SMCO2: variants seen among roughly 807,000 people sequenced by gnomAD.
The protein encoded by SMCO2 is single-pass membrane protein with coiled-coil domains 2.
Under a neutral mutation model 29.5 loss-of-function variants are expected in SMCO2, and 25 were observed. The observed-to-expected ratio is 0.85, with a 90% CI of 0.62 to 1.18. The LOEUF is 1.18. Among genes scored for constraint, SMCO2 ranks in the 50% most tolerant of loss-of-function variants. The probability of loss-of-function intolerance (pLI) is 0.00; values close to 1 mark genes in which losing one functional copy is unlikely to be tolerated. For synonymous variants in SMCO2, 117 were observed against 123.3 expected (o/e 0.95, Z 0.34); for missense variants, 348 against 344.5 (o/e 1.01, Z -0.08).
At chr12:27,492,940 C>CA (rs1942944042) in intron 5 of SMCO2, among the ~76,000 whole-genome samples, 4 of 152,160 alleles carry the variant, frequency 2.6e-5, no homozygotes, top group Admixed American at 2.6e-4. Context: ...CCTAAATGCC[C>CA]ATCAATGACA....
the SMCO2 span, chr12:27,424,953 G>A: frequency 6.6e-6 from 1 of 152,298 alleles, no homozygotes; most frequent in African/African-American, 2.4e-5. Flanking sequence ...TGCTTTCCAA[G>A]GGAGGTCTAG....
upstream of SMCO2, among the ~76,000 whole-genome samples, chr12:27,465,086 A>G (rs1307150954): frequency 1.3e-5 from 2 of 151,604 alleles, no homozygotes; most frequent in Non-Finnish European, 2.9e-5. Context: ...GAGAGAGAGA[A>G]AAGAATTTGG....
At chr12:27,453,265 C>G in the SMCO2 span, among the ~76,000 whole-genome samples, 1 of 152,150 alleles carries the variant, frequency 6.6e-6, no homozygotes, top group Admixed American at 6.5e-5. Context: ...GGCTTGGGTA[C>G]ACTCCCTGTT....
At chr12:27,463,590 T>C (rs1305705349), upstream of SMCO2, among the ~76,000 whole-genome samples, 3 of 152,112 alleles carry the variant, frequency 2.0e-5, no homozygotes, top group Non-Finnish European at 4.4e-5. Flanking sequence ...TGAAAAGGGC[T>C]TACCAAAGCA....
chr12:27,426,002 T>C, the SMCO2 span, among the ~76,000 whole-genome samples: 1 of 152,168 alleles, frequency 6.6e-6, no homozygotes, highest in Non-Finnish European at 1.5e-5. Flanking sequence ...GTCAACAGCC[T>C]GGAATATACA....
intron 4 of SMCO2, among the ~76,000 whole-genome samples, chr12:27,484,583 T>A (rs990777973): frequency 6.6e-6 from 1 of 152,114 alleles, no homozygotes; most frequent in Non-Finnish European, 1.5e-5. Flanking sequence ...AAGTTGGCTG[T>A]CATTCTCTTC....
chr12:27,476,603 A>G (rs954059613), intron 4 of SMCO2, among the ~76,000 whole-genome samples: 7 of 151,994 alleles, frequency 4.6e-5, no homozygotes, highest in Admixed American at 4.6e-4. Flanking sequence ...TCCTTTTGTC[A>G]TTATATAATA....
the SMCO2 span, among the ~76,000 whole-genome samples, chr12:27,458,802 G>A: frequency 7.9e-5 from 12 of 151,188 alleles, no homozygotes; most frequent in East Asian, 3.9e-4. Context: ...CAGGAGAATC[G>A]CTTGAACCCG....
chr12:27,494,375 A>C lies in SMCO2; in HGVS notation c.507+19A>C. 1 of 1,490,148 alleles carries C rather than the reference A, an allele frequency of 6.7e-7. No individual in the cohort carries two copies. The highest frequency in any genetic ancestry group is 9.0e-7 in the Non-Finnish European group (1 of 1,111,900). 92.3% of individuals were successfully genotyped at this position (1,490,148 alleles called of 1,614,324 possible). Reference sequence around the variant, plus strand: ...GCTGGAGGTAAGATTTCAGTTACACAATTCAAACAATGATAAAATCAGATA... The same window carrying C: ...GCTGGAGGTAAGATTTCAGTTACACCATTCAAACAATGATAAAATCAGATA... On this transcript the variant is annotated intron_variant, in intron 6 of 7. Coordinates refer to ENST00000298876, the Ensembl canonical transcript of SMCO2.
chr12:27,449,239 G>A, the SMCO2 span, among the ~76,000 whole-genome samples: 2 of 152,188 alleles, frequency 1.3e-5, no homozygotes, highest in Admixed American at 6.5e-5. Context: ...TCATCAAGGT[G>A]TTTCTTTGAA....
In SMCO2 at chr12:27,495,675, T is replaced by G. The variant is rs771153955; in HGVS notation, c.508-5T>G. The G allele has an allele frequency of 2.1e-6, 3 of 1,460,818 alleles. No homozygotes were observed. The East Asian group carries it at 7.5e-5, about 37-fold the overall frequency. The allele number at this position is 1,460,818 out of a possible 1,614,324, so 90.5% of individuals were successfully genotyped here. On this transcript the variant is annotated splice_polypyrimidine_tract_variant and splice_region_variant and intron_variant, in intron 6 of 7. Coordinates refer to ENST00000298876, the Ensembl canonical transcript of SMCO2. ...TTAAGGTACTTGATTACTCTTTTTT[T>G]TCAGGACCTTTGCAAGAATGTGGAA...
rs929837677 is a variant in SMCO2, at chr12:27,496,160, T to C, written c.683+305T>C. 4.0e-5 allele frequency among the ~76,000 whole-genome samples: 6 copies of C among 150,254 alleles called. 1 individual carries two copies. Among genetic ancestry groups the C allele is most frequent in the Non-Finnish European group, 7.4e-5 (5 of 67,836 alleles). On this transcript the variant is annotated intron_variant, in intron 7 of 7. Transcript: ENST00000298876. ...ATATATCTTCATGATCAAAGATATATGACCAAAGACCTCTTGTGGGTGGCT... is the reference window on the plus strand; with the variant it reads ...ATATATCTTCATGATCAAAGATATACGACCAAAGACCTCTTGTGGGTGGCT...
At chr12:27,460,797 T>A in the SMCO2 span, among the ~76,000 whole-genome samples, 1 of 152,180 alleles carries the variant, frequency 6.6e-6, no homozygotes, top group African/African-American at 2.4e-5. Context: ...GGAAAGGAAA[T>A]GAGACTCACA....
the SMCO2 span, among the ~76,000 whole-genome samples, chr12:27,439,724 C>G: frequency 1.3e-5 from 2 of 151,932 alleles, no homozygotes; most frequent in Non-Finnish European, 2.9e-5. Flanking sequence ...TCTAGAGGCT[C>G]TCAACAGCAA....
At chr12:27,469,247 A>G (rs1949522055) in intron 1 of SMCO2, among the ~76,000 whole-genome samples, 1 of 152,204 alleles carries the variant, frequency 6.6e-6, no homozygotes, top group African/African-American at 2.4e-5. Context: ...GGCAGGCAAT[A>G]GTGACCTTCC....
chr12:27,444,145 C>T, the SMCO2 span, among the ~76,000 whole-genome samples: 1 of 152,082 alleles, frequency 6.6e-6, no homozygotes, highest in African/African-American at 2.4e-5. Context: ...TAAAAACAGA[C>T]ACACATAGAC....
At chr12:27,470,068 G>A (rs1949528373) in intron 1 of SMCO2, among the ~76,000 whole-genome samples, 1 of 152,148 alleles carries the variant, frequency 6.6e-6, no homozygotes, top group African/African-American at 2.4e-5. Flanking sequence ...AATCATTATT[G>A]CATTATTTAT....
chr12:27,476,952 C>T (rs541741673), intron 4 of SMCO2, among the ~76,000 whole-genome samples: 1 of 151,712 alleles, frequency 6.6e-6, no homozygotes, highest in Non-Finnish European at 1.5e-5. Context: ...TTTATAATTG[C>T]AGTTTGATGG....
chr12:27,492,258 T>C lies in SMCO2; in HGVS notation c.451-2042T>C, dbSNP rs113861315. Among the ~76,000 whole-genome samples, 598 of 152,374 alleles carry C rather than the reference T, an allele frequency of 3.9e-3. 3 individuals are homozygous for C. Among genetic ancestry groups the C allele is most frequent in the African/African-American group, 0.014 (578 of 41,592 alleles). ...TAGTAGATGTCGTTTTACTTTTTTT[T>C]CACTCCTATATAATGCAGGGCTTGA... On this transcript the variant is annotated intron_variant, in intron 5 of 7. Coordinates refer to ENST00000298876, the Ensembl canonical transcript of SMCO2.
Sources: gnomAD v4.1 joint callset for allele counts (sites outside exome capture counted in the v4.1 genomes callset) on GRCh38, gnomAD v4.1.1 for gene constraint, MANE v1.5 for transcripts, NCBI Gene and HGNC (gene_info 2026-07-23, HGNC 2026-07-21) for gene names.